The following HHIP variants were observed in gnomAD, a reference collection of about 807,000 sequenced individuals.
HHIP encodes hedgehog interacting protein.
In HHIP, 12 loss-of-function variants were observed where a neutral mutation model predicts 74.0. The ratio of observed to expected loss-of-function variants is 0.16; its 90% confidence interval spans 0.10 to 0.26. The LOEUF (loss-of-function observed/expected upper bound fraction) is 0.26, where lower values mean the gene tolerates loss of function less well. HHIP is among the 10% of genes least tolerant of loss of function. The probability of loss-of-function intolerance (pLI) is 1.00; values close to 1 mark genes in which losing one functional copy is unlikely to be tolerated. For missense variants in HHIP, 788 were observed against 845.0 expected (o/e 0.93, Z 0.84); for synonymous variants, 309 against 311.6 (o/e 0.99, Z 0.09).
At chr4:144,716,611 G>C (rs1730449952) in intron 10 of HHIP, among the ~76,000 whole-genome samples, 1 of 152,072 alleles carries the variant, frequency 6.6e-6, no homozygotes. Context: ...AATTTGGGAG[G>C]CCAAGGCAGG....
intron 4 of HHIP, among the ~76,000 whole-genome samples, chr4:144,699,530 G>A (rs1160143169): frequency 2.0e-5 from 3 of 152,182 alleles, no homozygotes; most frequent in Admixed American, 6.5e-5. Flanking sequence ...GGGGTTGTGG[G>A]GTAGGCTGAA....
intron 2 of HHIP, among the ~76,000 whole-genome samples, chr4:144,655,809 C>T (rs1472707188): frequency 6.6e-6 from 1 of 151,648 alleles, no homozygotes; most frequent in East Asian, 1.9e-4. Flanking sequence ...TAACTTTTCC[C>T]TGGAATACAT....
chr4:144,728,667 C>T (rs1438039649), intron 11 of HHIP, among the ~76,000 whole-genome samples: 1 of 152,034 alleles, frequency 6.6e-6, no homozygotes, highest in African/African-American at 2.4e-5. Flanking sequence ...AGCTGTAACT[C>T]TTAAAACATT....
At chr4:144,706,992 G>C (rs1730166352) in intron 5 of HHIP, 95 bp from the exon 6 acceptor site, 2 of 976,064 alleles carry the variant, frequency 2.0e-6, no homozygotes, top group Non-Finnish European at 3.2e-6. Flanking sequence ...CTATGTGCCA[G>C]GAGTTTGTTT....
chr4:144,674,694 A>G (rs1729128506), intron 4 of HHIP, among the ~76,000 whole-genome samples: 1 of 152,166 alleles, frequency 6.6e-6, no homozygotes, highest in African/African-American at 2.4e-5. Flanking sequence ...ACACCTTTTT[A>G]AGTCTGAAAC....
At chr4:144,651,806 G>C (rs1728435294) in intron 1 of HHIP, among the ~76,000 whole-genome samples, 1 of 151,824 alleles carries the variant, frequency 6.6e-6, no homozygotes, top group African/African-American at 2.4e-5. Flanking sequence ...AACTCAAAAT[G>C]GTCTTATTGA....
intron 1 of HHIP, chr4:144,648,098 G>T (rs1349820683): frequency 6.6e-6 from 1 of 152,020 alleles, no homozygotes; most frequent in Non-Finnish European, 1.5e-5. Context: ...TGTCTGGGTG[G>T]TATCTCTCAC....
intron 11 of HHIP, among the ~76,000 whole-genome samples, chr4:144,722,531 G>A (rs1369821931): frequency 2.6e-5 from 4 of 152,130 alleles, no homozygotes; most frequent in African/African-American, 9.6e-5. Context: ...TCCAAAATTG[G>A]AATAAAGACA....
Position 144,659,753 on chromosome 4 carries a change from G to A in HHIP, c.746G>A (p.Gly249Asp). 6.2e-7 allele frequency: 1 copy of A among 1,612,580 alleles called. No individual in the cohort carries two copies. The highest frequency in any genetic ancestry group is 8.5e-7 in the Non-Finnish European group (1 of 1,179,480). ...CGTCTCTTCATTCTGGAAAAAGAAG[G>A]TTATGTGAAGATACTTACCCCTGAA... ...SQRLFILEKE[G>D]YVKILTPEGE... The change falls in exon 4 of 13, where the codon GGT (glycine) becomes GAT (aspartate). Residue 249 changes from glycine (G) to aspartate (D), a missense_variant. Transcript: ENST00000296575.
chr4:144,707,854 C>T (rs1730189004), intron 6 of HHIP, among the ~76,000 whole-genome samples: 5 of 152,142 alleles, frequency 3.3e-5, no homozygotes, highest in Admixed American at 3.3e-4. Flanking sequence ...CTCACTGTGG[C>T]TTCAAACCCC....
At chr4:144,674,240 C>T (rs1729117590) in intron 4 of HHIP, among the ~76,000 whole-genome samples, 2 of 152,242 alleles carry the variant, frequency 1.3e-5, no homozygotes, top group African/African-American at 4.8e-5. Context: ...CTGTATCCCA[C>T]ACACAGTGTC....
In HHIP at chr4:144,658,894, T is replaced by G; in HGVS notation, c.577T>G (p.Ser193Ala). The G allele has an allele frequency of 9.3e-6, 15 of 1,613,746 alleles. No individual in the cohort carries two copies. The highest frequency in any genetic ancestry group is 1.3e-5 in the African/African-American group (1 of 75,020). ...FPRKQVRGPA[S>A]NYLDQMEEYD... is the part of the protein sequence containing the mutation. Reference sequence around the variant, plus strand: ...AAGAAAACAAGTCAGAGGACCAGCATCTAACTACTTGGACCAGATGGAAGA... The same window carrying G: ...AAGAAAACAAGTCAGAGGACCAGCAGCTAACTACTTGGACCAGATGGAAGA... Residue 193 changes from serine (S) to alanine (A), a missense_variant, in exon 3 of 13, where the codon TCT (serine) becomes GCT (alanine). This residue lies in a region of HHIP where 373 missense variants were observed against 366.4 expected (regional missense o/e 1.02). Coordinates refer to ENST00000296575, the MANE Select transcript of HHIP (RefSeq NM_022475.3).
chr4:144,685,040 C>G (rs1351213251), intron 4 of HHIP, among the ~76,000 whole-genome samples: 1 of 152,182 alleles, frequency 6.6e-6, no homozygotes, highest in African/African-American at 2.4e-5. Flanking sequence ...TGCATCATAA[C>G]TGTAGCACTG....
intron 4 of HHIP, among the ~76,000 whole-genome samples, chr4:144,663,349 A>G (rs1434345710): frequency 2.6e-5 from 4 of 152,180 alleles, no homozygotes; most frequent in Admixed American, 6.5e-5. Context: ...TGGGGTTGGC[A>G]CCCAGGCATC....
rs944569447 is a variant in HHIP, at chr4:144,652,877, C to T, written c.472+80C>T. ...ATACTTGTACTTAAATGCTTATTTA[C>T]AAAACTTGTAAAATTTATCTTGCCT... On this transcript the variant is annotated intron_variant, in intron 2 of 12. Coordinates refer to ENST00000296575, the MANE Select transcript of HHIP (RefSeq NM_022475.3). 7 of 942,384 alleles carry T rather than the reference C, an allele frequency of 7.4e-6. No homozygotes were observed. In the Admixed American group the frequency reaches 1.8e-4, roughly 24 times the overall value. The allele number at this position is 942,384 out of a possible 1,614,324, so 58.4% of individuals were successfully genotyped here. A position where few individuals can be genotyped will look rare whatever the true frequency, so the allele number is the denominator to read the frequency against.
At chr4:144,684,183 G>A (rs1188235861) in intron 4 of HHIP, among the ~76,000 whole-genome samples, 1 of 143,214 alleles carries the variant, frequency 7.0e-6, no homozygotes, top group Non-Finnish European at 1.5e-5. Context: ...GACCATCCTG[G>A]CCAACATGAC....
intron 4 of HHIP, among the ~76,000 whole-genome samples, chr4:144,684,520 C>A (rs886432135): frequency 6.6e-6 from 1 of 151,584 alleles, no homozygotes; most frequent in Non-Finnish European, 1.5e-5. Flanking sequence ...ACCTCGTGAT[C>A]CGCCCGCCTC....
intron 1 of HHIP, chr4:144,648,902 A>G (rs1410097396): frequency 2.0e-5 from 3 of 152,292 alleles, no homozygotes; most frequent in East Asian, 3.9e-4. Flanking sequence ...ATGTGCTTCC[A>G]ATCTCCAACA....
chr4:144,672,677 A>G (rs895002393), intron 4 of HHIP, among the ~76,000 whole-genome samples: 1 of 151,388 alleles, frequency 6.6e-6, no homozygotes, highest in Non-Finnish European at 1.5e-5. Flanking sequence ...TTAAACTTTT[A>G]ATTTTGTATT....
Sources: allele counts gnomAD v4.1 joint callset (sites outside exome capture counted in the v4.1 genomes callset), GRCh38; gene constraint gnomAD v4.1.1; regional missense constraint gnomAD v4.1.1; transcripts MANE v1.5; gene names NCBI Gene and HGNC (gene_info 2026-07-23, HGNC 2026-07-21).